The following FCRL6 variants were observed in gnomAD, a reference collection of about 807,000 sequenced individuals.
FCRL6 encodes Fc receptor-like protein 6.
FCRL6 carries 50 observed loss-of-function variants against 49.1 expected under a neutral mutation model. The ratio of observed to expected loss-of-function variants is 1.02; its 90% CI spans 0.81 to 1.29. FCRL6 has a LOEUF of 1.29. Ranked by LOEUF, FCRL6 falls within the 50% of genes most tolerant of loss-of-function variation. FCRL6 has a pLI of 0.00. For missense variants in FCRL6, 571 were observed against 518.5 expected, an observed-to-expected ratio of 1.10 and a Z score of -0.98; for synonymous variants, 213 against 199.6, an observed-to-expected ratio of 1.07 and a Z score of -0.57.
chr1:159,800,650 C>T (rs1025767296), upstream of FCRL6: 2 of 1,534,012 alleles, frequency 1.3e-6, no homozygotes, highest in South Asian at 1.2e-5. Context: ...ACTTTACTTC[C>T]TCACTACTTT....
At chr1:159,815,360 G>A in intron 8 of FCRL6, 68 bp from the exon 9 acceptor site, 1 of 1,545,636 alleles carries the variant, frequency 6.5e-7, no homozygotes, top group Non-Finnish European at 8.8e-7. Flanking sequence ...CCAGCCAGGA[G>A]GGGTGGGAAG....
In FCRL6 at chr1:159,815,562, G is replaced by A; in HGVS notation, c.1206G>A (p.Val402=). The A allele has an allele frequency of 1.2e-6, 2 of 1,614,236 alleles. No individual in the cohort carries two copies. Among genetic ancestry groups the A allele is most frequent in the Non-Finnish European group, 1.7e-6 (2 of 1,180,032 alleles). ...RKDSSIICAE[V]RCLQPSEVSS... ...ACAGTTCTATCATCTGTGCGGAGGT[G>A]AGATGCCTGCAGCCCAGTGAGGTTT... The change falls in exon 10 of 10, where the codon GTG becomes GTA. Residue 402 remains valine (V), a synonymous_variant. Coordinates refer to ENST00000368106, the MANE Select transcript of FCRL6 (RefSeq NM_001004310.3).
intron 1 of FCRL6, among the ~76,000 whole-genome samples, chr1:159,805,636 C>T (rs1464279270): frequency 6.6e-6 from 1 of 152,234 alleles, no homozygotes; most frequent in Non-Finnish European, 1.5e-5. Context: ...CCTGTTCTCA[C>T]ACATTCACTC....
chr1:159,802,710 C>T (rs373596624), intron 1 of FCRL6, among the ~76,000 whole-genome samples: 1 of 152,160 alleles, frequency 6.6e-6, no homozygotes, highest in East Asian at 1.9e-4. Context: ...ATTAGGGAGG[C>T]AGAAAATCAC....
At chr1:159,802,315 C>G (rs537666209), upstream of FCRL6, 10 of 1,202,890 alleles carry the variant, frequency 8.3e-6, no homozygotes, top group East Asian at 1.0e-4. Flanking sequence ...TAGCACCACC[C>G]AGCTCAGGCC....
In FCRL6 at chr1:159,814,220, G is replaced by A; in HGVS notation, c.1076-1G>A. ...TATTTAAGCCTCATTCCTTCTTCCA[G>A]TGCATCACCAGAAAGGGAAAGATGA... On this transcript the variant is annotated splice_acceptor_variant, in intron 7 of 9. Coordinates refer to ENST00000368106, the MANE Select transcript of FCRL6 (RefSeq NM_001004310.3). LOFTEE classifies it high-confidence loss of function. The A allele has an allele frequency of 6.2e-7, 1 of 1,613,828 alleles. No individual in the cohort carries two copies. The highest frequency in any genetic ancestry group is 8.5e-7 in the Non-Finnish European group (1 of 1,179,730).
At position 159,809,180 on chromosome 1, in the gene FCRL6, G is replaced by C. The variant is rs550903353; in HGVS notation, c.539G>C (p.Cys180Ser). 1.2e-6 allele frequency: 2 copies of C among 1,610,874 alleles called. No homozygotes were observed. The highest frequency in any genetic ancestry group is 1.7e-4 in the Middle Eastern group (1 of 5,868). The change falls in exon 4 of 10, where the codon TGT becomes TCT. Residue 180 changes from cysteine to serine, a missense_variant. By Grantham distance (112) the Cys-to-Ser change is moderately radical. Transcript: ENST00000368106. ...AKEGDSGLYWCEVAPEGGQVQ... is the reference protein window; with the variant it reads ...AKEGDSGLYWSEVAPEGGQVQ... ...GAGGGAGACTCTGGGCTTTACTGGT[G>C]TGAGGTGGCCCCTGAGGGTGGCCAG...
chr1:159,808,604 C>A (rs977151638), intron 3 of FCRL6, 160 bp downstream of exon 3: 13 of 728,822 alleles, frequency 1.8e-5, no homozygotes, highest in Admixed American at 5.0e-5. Context: ...TGTCTCAATA[C>A]CCCCCTCTCC....
In FCRL6 at chr1:159,809,165, CTG is replaced by C. The variant is rs1662916993; in HGVS notation, c.525_526del (p.Gly176AlafsTer5). On this transcript the variant is annotated frameshift_variant, in exon 4 of 10. Transcript: ENST00000368106. LOFTEE classifies it high-confidence loss of function. The stretch of plus-strand genomic sequence containing the variant: ...ATCCCGGGAGCCAAGGAGGGAGACT[CTG>C]GGCTTTACTGGTGTGAGGTGGCCCC... 6.2e-7 allele frequency: 1 copy of C among 1,613,060 alleles called. No individual in the cohort carries two copies. The highest frequency in any genetic ancestry group is 1.3e-5 in the African/African-American group (1 of 74,898).
upstream of FCRL6, among the ~76,000 whole-genome samples, chr1:159,801,551 G>A (rs1033986904): frequency 3.3e-5 from 5 of 152,284 alleles, no homozygotes; most frequent in East Asian, 9.6e-4. Context: ...GGTGATTTAT[G>A]ATGTCTAGCT....
In FCRL6 at chr1:159,815,789, C is replaced by A. The variant is rs954167520; in HGVS notation, c.*128C>A. 8.3e-7 allele frequency: 1 copy of A among 1,208,386 alleles called. No individual in the cohort carries two copies. The highest frequency in any genetic ancestry group is 2.1e-5 in the Admixed American group (1 of 47,510). The allele number at this position is 1,208,386 out of a possible 1,614,324, so 74.9% of individuals were successfully genotyped here. ...GCCCAGCATCACAGAGCCCCCTGAG[C>A]CCTTGTCCTGGTCAGGAGCACCTGA... On this transcript the variant is annotated 3_prime_UTR_variant, in exon 10 of 10. Transcript: ENST00000368106.
chr1:159,809,995 C>T, intron 5 of FCRL6, 99 bp from the exon 6 acceptor site: 1 of 1,438,934 alleles, frequency 6.9e-7, no homozygotes, highest in Non-Finnish European at 9.4e-7. Flanking sequence ...CAGACGGTTC[C>T]CCTAATATCA....
In FCRL6 at chr1:159,809,028, C is replaced by T. The variant is rs151204274; in HGVS notation, c.387C>T (p.Thr129=). 1.6e-5 allele frequency: 26 copies of T among 1,613,914 alleles called. No homozygotes were observed. The highest frequency in any genetic ancestry group is 2.1e-5 in the Non-Finnish European group (25 of 1,179,960). ...AGCCCCGAGAGGGTAGCCTGGTGAC[C>T]CTGAGATGTCAGACAAAGCTGCACC... The part of the protein sequence containing the change: ...SPEPREGSLV[T]LRCQTKLHPL... The change falls in exon 4 of 10, where the codon ACC becomes ACT. Residue 129 remains threonine (T), a synonymous_variant. Transcript: ENST00000368106.
At chr1:159,811,769 C>T (rs190535840) in intron 6 of FCRL6, among the ~76,000 whole-genome samples, 20 of 152,300 alleles carry the variant, frequency 1.3e-4, no homozygotes, top group African/African-American at 3.8e-4. Context: ...ATGCCCAGAG[C>T]TATTGGGGAG....
In FCRL6 at chr1:159,809,573, C is replaced by T. The variant is rs748392028; in HGVS notation, c.776C>T (p.Thr259Ile). The T allele has an allele frequency of 1.2e-6, 2 of 1,614,208 alleles. No individual in the cohort carries two copies. Among genetic ancestry groups the T allele is most frequent in the Non-Finnish European group, 8.5e-7 (1 of 1,180,026 alleles). ...GNHSAPCGGTTSLLFPVKSEQ... is the reference protein window; with the variant it reads ...GNHSAPCGGTISLLFPVKSEQ... ...CACTCAGCTCCCTGTGGTGGAACCA[C>T]CTCCCTCCTCTTCCCAGTGAAGTCA... is the stretch of plus-strand genomic sequence containing the variant. Residue 259 changes from threonine to isoleucine, a missense_variant, in exon 5 of 10, where the codon ACC becomes ATC. Physicochemically the swap from Thr to Ile is moderately conservative, Grantham distance 89. Coordinates refer to ENST00000368106, the MANE Select transcript of FCRL6 (RefSeq NM_001004310.3).
chr1:159,809,771 G>A, intron 5 of FCRL6, 88 bp downstream of exon 5: 6 of 1,192,408 alleles, frequency 5.0e-6, no homozygotes, highest in Non-Finnish European at 6.1e-6. Context: ...ATCACGACTG[G>A]CACAGTGCTG....
At chr1:159,809,755 C>T (rs1283820944) in intron 5 of FCRL6, 72 bp downstream of exon 5, 6 of 1,338,996 alleles carry the variant, frequency 4.5e-6, no homozygotes, top group African/African-American at 1.4e-5. Context: ...CCTCTGTGTA[C>T]CTCCCATCAC....
chr1:159,809,583 C>T lies in FCRL6; in HGVS notation c.786C>T (p.Leu262=), dbSNP rs770877790. 22 of 1,614,080 alleles carry T rather than the reference C, an allele frequency of 1.4e-5. No homozygotes were observed. The African/African-American group carries it at 2.0e-4, about 15-fold the overall frequency. ...CCTGTGGTGGAACCACCTCCCTCCT[C>T]TTCCCAGTGAAGTCAGAACAGGATG... ...SAPCGGTTSL[L]FPVKSEQDAG... Residue 262 remains leucine (L), a synonymous_variant, in exon 5 of 10, where the codon CTC becomes CTT. Coordinates refer to ENST00000368106, the MANE Select transcript of FCRL6 (RefSeq NM_001004310.3).
chr1:159,814,760 C>T (rs1663294234), intron 8 of FCRL6, among the ~76,000 whole-genome samples: 1 of 152,214 alleles, frequency 6.6e-6, no homozygotes, highest in Non-Finnish European at 1.5e-5. Context: ...GCTCCAGCCA[C>T]AGCTATCAGA....
Sources: gnomAD v4.1 joint callset for allele counts (sites outside exome capture counted in the v4.1 genomes callset) on GRCh38, gnomAD v4.1.1 for gene constraint, MANE v1.5 for transcripts, NCBI Gene and HGNC (gene_info 2026-07-23, HGNC 2026-07-21) for gene names.